The following MICU1 variants were observed in gnomAD, a reference collection of about 807,000 sequenced individuals.
MICU1 encodes mitochondrial calcium uptake 1.
MICU1 carries 45 observed loss-of-function variants against 56.8 expected under a neutral mutation model. That is an observed-to-expected ratio of 0.79 (90% confidence interval 0.62 to 1.02). MICU1 has a LOEUF of 1.02. Among genes scored for constraint, MICU1 ranks in the 50% least tolerant of loss-of-function variants. The pLI, the probability that MICU1 is intolerant of heterozygous loss-of-function variation, is 0.00. For synonymous variants in MICU1, 186 were observed against 195.1 expected (o/e 0.95, Z 0.39); for missense variants, 504 against 587.1 (o/e 0.86, Z 1.46).
chr10:72,412,649 G>A (rs1200267185), intron 9 of MICU1, among the ~76,000 whole-genome samples: 2 of 151,836 alleles, frequency 1.3e-5, no homozygotes, highest in African/African-American at 4.8e-5. Context: ...TCAGGAGTTC[G>A]GGACCAGCCT....
chr10:72,569,036 G>A (rs1840521635), intron 1 of MICU1, among the ~76,000 whole-genome samples: 1 of 150,754 alleles, frequency 6.6e-6, no homozygotes, highest in Non-Finnish European at 1.5e-5. Flanking sequence ...TTACAGGCAT[G>A]AGCCACCGCG....
At chr10:72,548,394 A>C (rs1009375003) in intron 4 of MICU1, among the ~76,000 whole-genome samples, 1 of 152,238 alleles carries the variant, frequency 6.6e-6, no homozygotes, top group Non-Finnish European at 1.5e-5. Context: ...AAATTTGAAC[A>C]GTGCCTGGAT....
chr10:72,462,190 T>G lies in MICU1; in HGVS notation c.933+12910A>C, dbSNP rs907866528. 3.3e-5 allele frequency among the ~76,000 whole-genome samples: 5 copies of G among 151,856 alleles called. 1 individual carries two copies. The highest frequency in any genetic ancestry group is 1.2e-4 in the African/African-American group (5 of 41,360). Reference sequence around the variant, plus strand: ...TTTTTGAACTTTATGGTGGGTTTATTGGGGTATTAAATGTATTTCTTTTCT... The same window carrying G: ...TTTTTGAACTTTATGGTGGGTTTATGGGGGTATTAAATGTATTTCTTTTCT... On this transcript the variant is annotated intron_variant, in intron 8 of 11. Coordinates refer to ENST00000361114, the MANE Select transcript of MICU1 (RefSeq NM_001195518.2).
intron 9 of MICU1, among the ~76,000 whole-genome samples, chr10:72,408,571 C>T (rs544351706): frequency 6.6e-6 from 1 of 152,084 alleles, no homozygotes; most frequent in Non-Finnish European, 1.5e-5. Flanking sequence ...AGCCTCCCAA[C>T]GTGCTGGGAT....
intron 1 of MICU1, among the ~76,000 whole-genome samples, chr10:72,598,456 ATGTTGG>A (rs1841436724): frequency 6.6e-6 from 1 of 151,996 alleles, no homozygotes; most frequent in Non-Finnish European, 1.5e-5. Flanking sequence ...GGGTTTCACC[ATGTTGG>A]CCAGGCTGGT....
chr10:72,416,718 G>A (rs1863994350), intron 9 of MICU1, among the ~76,000 whole-genome samples: 1 of 152,100 alleles, frequency 6.6e-6, no homozygotes, highest in Admixed American at 6.6e-5. Context: ...CCTACTCCAT[G>A]TTTAAGGCCA....
At chr10:72,623,608 G>A (rs1842162926) in intron 1 of MICU1, among the ~76,000 whole-genome samples, 1 of 152,080 alleles carries the variant, frequency 6.6e-6, no homozygotes, top group African/African-American at 2.4e-5. Flanking sequence ...GGAGGCCGAG[G>A]CAGGTGGATC....
intron 8 of MICU1, among the ~76,000 whole-genome samples, chr10:72,463,157 G>A (rs578213185): frequency 2.3e-4 from 35 of 151,958 alleles, no homozygotes; most frequent in African/African-American, 7.0e-4. Flanking sequence ...TCCGCCTTCC[G>A]GGTTCAAGCG....
intron 6 of MICU1, among the ~76,000 whole-genome samples, chr10:72,484,277 C>G (rs1228175841): frequency 6.6e-6 from 1 of 151,740 alleles, no homozygotes; most frequent in Non-Finnish European, 1.5e-5. Flanking sequence ...AGTGGGAGAA[C>G]AAGACAATAA....
At chr10:72,471,575 G>C (rs1176310344) in intron 8 of MICU1, among the ~76,000 whole-genome samples, 2 of 116,684 alleles carry the variant, frequency 1.7e-5, no homozygotes, top group Non-Finnish European at 2.4e-5. Context: ...TTTTTTGTTT[G>C]TTTTTATTGT....
At chr10:72,389,925 T>C (rs754672690) in intron 10 of MICU1, among the ~76,000 whole-genome samples, 2 of 152,230 alleles carry the variant, frequency 1.3e-5, no homozygotes, top group African/African-American at 2.4e-5. Context: ...TGAGAGGTCA[T>C]AGATCTAATT....
chr10:72,489,075 G>A (rs905231542), intron 6 of MICU1, among the ~76,000 whole-genome samples: 1 of 152,064 alleles, frequency 6.6e-6, no homozygotes. Context: ...GATCACTTGA[G>A]GTTAGGCGTT....
At chr10:72,569,347 G>A (rs1225895943) in intron 1 of MICU1, among the ~76,000 whole-genome samples, 1 of 147,456 alleles carries the variant, frequency 6.8e-6, no homozygotes, top group Non-Finnish European at 1.5e-5. Flanking sequence ...CAATTCTCCT[G>A]TCTCAGCCTC....
chr10:72,430,317 T>C (rs181683846), intron 8 of MICU1, among the ~76,000 whole-genome samples: 5 of 152,332 alleles, frequency 3.3e-5, no homozygotes, highest in East Asian at 1.9e-4. Flanking sequence ...TGATAAACTT[T>C]TGCTGAACTT....
chr10:72,384,347 C>T (rs543576624), intron 10 of MICU1, among the ~76,000 whole-genome samples: 13 of 152,120 alleles, frequency 8.5e-5, no homozygotes, highest in Non-Finnish European at 1.6e-4. Context: ...AACCTTGAAA[C>T]CCCCAAAGAA....
rs1342495048 is a variant in MICU1 at position 72,553,383 on chromosome 10, G to A, written c.331-2042C>T. ...CTAGTAGCTGGGACTACAGGTGCCC[G>A]CCACCACGCCCGGCTAATTTTTTGT... On this transcript the variant is annotated intron_variant, in intron 3 of 11. Coordinates refer to ENST00000361114, the MANE Select transcript of MICU1 (RefSeq NM_001195518.2). 7.9e-5 allele frequency among the ~76,000 whole-genome samples: 12 copies of A among 152,042 alleles called. No individual in the cohort carries two copies. The East Asian group carries it at 1.5e-3, about 20-fold the overall frequency.
Position 72,590,791 on chromosome 10 carries a change from AGACAGAGTGAGACACGGTCT to A in MICU1, c.-1-24017_-1-23998del, listed in dbSNP as rs1375151136. Among the ~76,000 whole-genome samples, 3 of 151,794 alleles carry A rather than the reference AGACAGAGTGAGACACGGTCT, an allele frequency of 2.0e-5. No individual in the cohort carries two copies. In the East Asian group the frequency reaches 5.8e-4, roughly 29 times the overall value. The stretch of plus-strand genomic sequence containing the variant: ...TCGCGCCACTGCATTCCAGCCTGGG[AGACAGAGTGAGACACGGTCT>A]CAAAAAATAAAATAAATAAATAAAT... On this transcript the variant is annotated intron_variant, in intron 1 of 11. Coordinates refer to ENST00000361114, the MANE Select transcript of MICU1 (RefSeq NM_001195518.2).
intron 3 of MICU1, among the ~76,000 whole-genome samples, chr10:72,561,312 C>T (rs1208278321): frequency 3.9e-5 from 6 of 152,114 alleles, no homozygotes; most frequent in African/African-American, 7.2e-5. Flanking sequence ...CTGTATTTTA[C>T]GAAATGGAAA....
At chr10:72,530,901 C>T (rs1015710253) in intron 5 of MICU1, among the ~76,000 whole-genome samples, 66 of 152,242 alleles carry the variant, frequency 4.3e-4, no homozygotes, top group African/African-American at 1.5e-3. Context: ...AATTATTTGT[C>T]AATATCAGTT....
Sources: gnomAD v4.1 joint callset for allele counts (sites outside exome capture counted in the v4.1 genomes callset) on GRCh38, gnomAD v4.1.1 for gene constraint, MANE v1.5 for transcripts, NCBI Gene and HGNC (gene_info 2026-07-23, HGNC 2026-07-21) for gene names.